The following PDE4B variants were observed in gnomAD, a reference collection of about 807,000 sequenced individuals.
PDE4B encodes the protein 3',5'-cyclic-AMP phosphodiesterase 4B.
A neutral mutation model predicts 82.2 loss-of-function variants in PDE4B; 20 were observed. The observed-to-expected ratio is 0.24, with a 90% CI of 0.17 to 0.35. The LOEUF is 0.35. Among genes scored for constraint, PDE4B ranks in the 10% least tolerant of loss-of-function variants. PDE4B has a pLI of 1.00. For missense variants in PDE4B, 655 were observed against 907.2 expected, an observed-to-expected ratio of 0.72 and a Z score of 3.57; for synonymous variants, 320 against 318.9, an observed-to-expected ratio of 1.00 and a Z score of -0.04.
intron 3 of PDE4B, among the ~76,000 whole-genome samples, chr1:66,214,226 T>A (rs1324229336): frequency 2.0e-5 from 3 of 152,216 alleles, no homozygotes; most frequent in African/African-American, 7.2e-5. Flanking sequence ...AAACTGTACA[T>A]CTGGGATTAG....
At chr1:65,856,377 C>T (rs965576681) in intron 1 of PDE4B, among the ~76,000 whole-genome samples, 4 of 152,124 alleles carry the variant, frequency 2.6e-5, no homozygotes, top group Non-Finnish European at 5.9e-5. Context: ...GTTCCCCTCC[C>T]TATGTCCATG....
chr1:66,225,531 C>T (rs906129279), intron 3 of PDE4B, among the ~76,000 whole-genome samples: 4 of 152,166 alleles, frequency 2.6e-5, no homozygotes, highest in African/African-American at 9.7e-5. Flanking sequence ...TCTGTTTCTC[C>T]CTAGGCACAG....
chr1:66,218,338 A>C (rs1650673011), intron 3 of PDE4B, among the ~76,000 whole-genome samples: 1 of 152,144 alleles, frequency 6.6e-6, no homozygotes, highest in Admixed American at 6.5e-5. Flanking sequence ...GGCCTCCATG[A>C]GTGGGAAATG....
At position 66,275,288 on chromosome 1, in the gene PDE4B, G is replaced by T. The variant is rs75541089; in HGVS notation, c.634+9201G>T. ...TATTGAAATACATGTTTCAGGGTTG[G>T]TACACACCTATTCAGGCATAGGTGT... On this transcript the variant is annotated intron_variant, in intron 7 of 16. Coordinates refer to ENST00000341517, the MANE Select transcript of PDE4B (RefSeq NM_002600.4). Among the ~76,000 whole-genome samples, 472 of 152,258 alleles carry T rather than the reference G, an allele frequency of 3.1e-3. 1 individual carries two copies. Among genetic ancestry groups the T allele is most frequent in the African/African-American group, 0.011 (450 of 41,524 alleles).
At chr1:66,355,758 G>A in intron 9 of PDE4B, 138 bp downstream of exon 9, 1 of 514,288 alleles carries the variant, frequency 1.9e-6, no homozygotes, top group Non-Finnish European at 3.5e-6. Flanking sequence ...AATAACTAAG[G>A]CCAGTCTTCA....
At chr1:66,047,622 G>T (rs568827478) in intron 3 of PDE4B, among the ~76,000 whole-genome samples, 1 of 151,876 alleles carries the variant, frequency 6.6e-6, no homozygotes, top group African/African-American at 2.4e-5. Context: ...GTGGCAGAAA[G>T]TTCCATATAG....
At chr1:66,246,322 T>A (rs1334243448) in intron 3 of PDE4B, among the ~76,000 whole-genome samples, 1 of 152,246 alleles carries the variant, frequency 6.6e-6, no homozygotes, top group Non-Finnish European at 1.5e-5. Context: ...CAAAGTGAGC[T>A]GGTTGTAAGA....
intron 3 of PDE4B, among the ~76,000 whole-genome samples, chr1:66,189,839 A>G (rs1331446483): frequency 6.6e-6 from 1 of 152,054 alleles, no homozygotes; most frequent in Non-Finnish European, 1.5e-5. Flanking sequence ...CAACTCATCA[A>G]AGTCATTCTC....
At chr1:65,939,819 G>T (rs1292302215) in intron 3 of PDE4B, among the ~76,000 whole-genome samples, 1 of 152,106 alleles carries the variant, frequency 6.6e-6, no homozygotes, top group Non-Finnish European at 1.5e-5. Context: ...ATCCACTTAC[G>T]CAAGGCACTT....
chr1:66,316,481 T>C (rs749846571), intron 7 of PDE4B, among the ~76,000 whole-genome samples: 1 of 152,200 alleles, frequency 6.6e-6, no homozygotes, highest in Non-Finnish European at 1.5e-5. Context: ...CTGTGTCTAG[T>C]TGTTATATGT....
At chr1:66,118,542 A>C (rs190520944) in intron 3 of PDE4B, among the ~76,000 whole-genome samples, 1 of 151,322 alleles carries the variant, frequency 6.6e-6, no homozygotes, top group Admixed American at 6.6e-5. Context: ...GGACACAGGA[A>C]GGGGAACATC....
chr1:66,365,175 T>C (rs1164571878), intron 12 of PDE4B, among the ~76,000 whole-genome samples: 2 of 152,206 alleles, frequency 1.3e-5, no homozygotes, highest in African/African-American at 4.8e-5. Flanking sequence ...ATCTGAAAGC[T>C]TGTGACCACA....
intron 1 of PDE4B, among the ~76,000 whole-genome samples, chr1:65,833,504 A>G (rs1162913813): frequency 6.6e-6 from 1 of 152,210 alleles, no homozygotes; most frequent in East Asian, 1.9e-4. Flanking sequence ...GTCCAAAGAT[A>G]GAATTGGCTA....
chr1:66,075,928 A>ACAAAACAAAAC (rs201673839), intron 3 of PDE4B, among the ~76,000 whole-genome samples: 1 of 7,764 alleles, frequency 1.3e-4, no homozygotes, highest in African/African-American at 2.4e-4. Context: ...ACAAAACAAA[A>ACAAAACAAAAC]AAAACAAAAC....
chr1:65,935,990 C>G (rs1015938447), intron 3 of PDE4B, among the ~76,000 whole-genome samples: 4 of 152,144 alleles, frequency 2.6e-5, no homozygotes, highest in African/African-American at 9.7e-5. Context: ...CGTTGTATAG[C>G]TGCATAAAGA....
intron 3 of PDE4B, among the ~76,000 whole-genome samples, chr1:66,177,607 A>G (rs1163834728): frequency 1.3e-5 from 2 of 152,332 alleles, no homozygotes; most frequent in Admixed American, 6.5e-5. Context: ...TCAAAGCCTA[A>G]AAGATCTCAT....
intron 9 of PDE4B, among the ~76,000 whole-genome samples, chr1:66,357,030 G>A (rs1446451200): frequency 6.6e-6 from 1 of 152,208 alleles, no homozygotes; most frequent in Non-Finnish European, 1.5e-5. Context: ...CCTGCTCTGT[G>A]TAATGCCCAA....
At chr1:65,953,382 G>C (rs911314734) in intron 3 of PDE4B, among the ~76,000 whole-genome samples, 1 of 152,084 alleles carries the variant, frequency 6.6e-6, no homozygotes, top group Non-Finnish European at 1.5e-5. Context: ...ATGTGATTAA[G>C]TTCAGGGCTT....
chr1:65,974,762 A>C (rs911724262), intron 3 of PDE4B, among the ~76,000 whole-genome samples: 4 of 152,126 alleles, frequency 2.6e-5, no homozygotes, highest in African/African-American at 9.7e-5. Context: ...GCTTCACCAT[A>C]GTATGATGCG....
Sources: allele counts gnomAD v4.1 joint callset (sites outside exome capture counted in the v4.1 genomes callset), GRCh38; gene constraint gnomAD v4.1.1; transcripts MANE v1.5; gene names NCBI Gene and HGNC (gene_info 2026-07-23, HGNC 2026-07-21).